Variants in CENPP observed in about 807,000 individuals in gnomAD.
CENPP encodes centromere protein P.
Under a neutral mutation model 35.6 loss-of-function variants are expected in CENPP, and 24 were observed. The ratio of observed to expected loss-of-function variants is 0.67; its 90% CI spans 0.49 to 0.95. The LOEUF (loss-of-function observed/expected upper bound fraction) is 0.95, where lower values mean the gene tolerates loss of function less well. Ranked by LOEUF, CENPP falls within the 40% of genes least tolerant of loss-of-function variation. The pLI is 0.00. For missense variants in CENPP, 332 were observed against 345.3 expected (o/e 0.96, Z 0.31); for synonymous variants, 120 against 125.5 (o/e 0.96, Z 0.29).
intron 5 of CENPP, among the ~76,000 whole-genome samples, chr9:92,445,007 C>T (rs1844515708): frequency 6.6e-6 from 1 of 152,096 alleles, no homozygotes; most frequent in African/African-American, 2.4e-5. Flanking sequence ...CCCCTAGGGC[C>T]AACGTCTCCT....
Position 92,600,624 on chromosome 9 carries a change from A to G in CENPP, c.565-10690A>G, listed in dbSNP as rs1257049892. 4 of 1,528,224 alleles carry G rather than the reference A, an allele frequency of 2.6e-6. No individual in the cohort carries two copies. In the African/African-American group the frequency reaches 5.5e-5, roughly 21 times the overall value. 94.7% of individuals were successfully genotyped at this position (1,528,224 alleles called of 1,614,324 possible). A position where few individuals can be genotyped will look rare whatever the true frequency, so the allele number is the denominator to read the frequency against. On this transcript the variant is annotated intron_variant, in intron 5 of 7. Transcript: ENST00000375587. The stretch of plus-strand genomic sequence containing the variant: ...CACTACCAGAAAGACAGCGCAAGTC[A>G]TGCCCTGGTCGGCCATCCCTTCTGG...
intron 5 of CENPP, among the ~76,000 whole-genome samples, chr9:92,406,099 A>G (rs1039678674): frequency 6.6e-6 from 1 of 152,162 alleles, no homozygotes; most frequent in African/African-American, 2.4e-5. Context: ...ACTGACTTCT[A>G]TAGAGAGGAT....
intron 5 of CENPP, among the ~76,000 whole-genome samples, chr9:92,518,439 A>C (rs1010358025): frequency 6.6e-6 from 1 of 152,208 alleles, no homozygotes; most frequent in Non-Finnish European, 1.5e-5. Context: ...CTGAGCTAGC[A>C]CTAATGATGA....
chr9:92,450,460 G>A (rs893017455), intron 5 of CENPP, among the ~76,000 whole-genome samples: 2 of 152,086 alleles, frequency 1.3e-5, no homozygotes, highest in Non-Finnish European at 2.9e-5. Flanking sequence ...ATTCCATGGT[G>A]TATATGTGCC....
Position 92,489,427 on chromosome 9 carries a change from C to G in CENPP, c.564+109568C>G, listed in dbSNP as rs567126108. Among the ~76,000 whole-genome samples the G allele has an allele frequency of 1.4e-4, 21 of 152,320 alleles. No individual in the cohort carries two copies. The East Asian group carries it at 3.3e-3, about 24-fold the overall frequency. On this transcript the variant is annotated intron_variant, in intron 5 of 7. Transcript: ENST00000375587. Reference sequence around the variant, plus strand: ...TGCCAGTGCAGACTGTCTTGCTATACTGTTGGTGACTCATTCAGCGGTTAT... The same window carrying G: ...TGCCAGTGCAGACTGTCTTGCTATAGTGTTGGTGACTCATTCAGCGGTTAT...
chr9:92,600,295 A>C, intron 5 of CENPP: 1 of 1,469,516 alleles, frequency 6.8e-7, no homozygotes, highest in Non-Finnish European at 9.0e-7. Flanking sequence ...CTGTCCATAC[A>C]GGCCCATTAT....
intron 3 of CENPP, 88 bp from the exon 4 acceptor site, chr9:92,345,610 GT>G (rs1841271081): frequency 1.4e-6 from 1 of 691,832 alleles, no homozygotes; most frequent in Non-Finnish European, 2.5e-6. Context: ...CTTTTATTTG[GT>G]GGCATTTCAT....
At chr9:92,576,299 T>C (rs896357513) in intron 5 of CENPP, among the ~76,000 whole-genome samples, 9 of 152,172 alleles carry the variant, frequency 5.9e-5, no homozygotes, top group Non-Finnish European at 8.8e-5. Context: ...CTTAGAGTAG[T>C]CTAAATAGGA....
intron 5 of CENPP, chr9:92,457,240 A>G: frequency 6.3e-7 from 1 of 1,593,062 alleles, no homozygotes; most frequent in South Asian, 1.1e-5. Context: ...TTCCAAATGT[A>G]GGGATTTTTG....
At chr9:92,600,685 G>A (rs943523924) in intron 5 of CENPP, among the ~76,000 whole-genome samples, 6 of 152,238 alleles carry the variant, frequency 3.9e-5, no homozygotes, top group African/African-American at 1.4e-4. Flanking sequence ...GCAAAGTGCT[G>A]CAATGACATT....
intron 5 of CENPP, among the ~76,000 whole-genome samples, chr9:92,541,215 C>T (rs554107333): frequency 2.0e-5 from 3 of 152,180 alleles, no homozygotes; most frequent in East Asian, 1.9e-4. Context: ...GCCAAGATTG[C>T]GCCACTGCAC....
chr9:92,485,857 G>T (rs1375639180), intron 5 of CENPP, among the ~76,000 whole-genome samples: 2 of 152,196 alleles, frequency 1.3e-5, no homozygotes, highest in Non-Finnish European at 2.9e-5. Flanking sequence ...GATAGGTGAG[G>T]CAGGAGCTAT....
chr9:92,547,533 C>T (rs932906085), intron 5 of CENPP, among the ~76,000 whole-genome samples: 1 of 152,224 alleles, frequency 6.6e-6, no homozygotes, highest in Non-Finnish European at 1.5e-5. Context: ...ACCTCAAAAA[C>T]ATTACGTGCA....
At chr9:92,539,198 G>C (rs1849257927) in intron 5 of CENPP, 1 of 152,158 alleles carries the variant, frequency 6.6e-6, no homozygotes, top group South Asian at 2.1e-4. Context: ...AGTAGGGCGA[G>C]GTAAAATGGC....
intron 2 of CENPP, among the ~76,000 whole-genome samples, chr9:92,337,329 A>G (rs1399650378): frequency 1.3e-5 from 2 of 152,184 alleles, no homozygotes; most frequent in African/African-American, 4.8e-5. Context: ...GAAAAAAAAA[A>G]AAGAAAACTA....
chr9:92,477,976 G>A (rs1025121675), intron 5 of CENPP, among the ~76,000 whole-genome samples: 1 of 152,032 alleles, frequency 6.6e-6, no homozygotes, highest in Non-Finnish European at 1.5e-5. Flanking sequence ...GTCTGTCTAC[G>A]CATAACCCTC....
intron 5 of CENPP, chr9:92,416,624 A>G: frequency 2.6e-6 from 4 of 1,521,612 alleles, no homozygotes; most frequent in Non-Finnish European, 3.6e-6. Flanking sequence ...CATACTTTCT[A>G]TTTCATTATT....
chr9:92,587,153 TA>T (rs1227515056), intron 5 of CENPP, among the ~76,000 whole-genome samples: 2 of 151,800 alleles, frequency 1.3e-5, no homozygotes, highest in African/African-American at 4.8e-5. Context: ...CAAAATGAGA[TA>T]TCAATAAGGA....
chr9:92,522,749 T>C, intron 5 of CENPP: 1 of 1,614,198 alleles, frequency 6.2e-7, no homozygotes, highest in Non-Finnish European at 8.5e-7. Flanking sequence ...GTTGAACTTT[T>C]CCTCAACCTT....
Sources: allele counts gnomAD v4.1 joint callset (sites outside exome capture counted in the v4.1 genomes callset), GRCh38; gene constraint gnomAD v4.1.1; transcripts MANE v1.5; gene names NCBI Gene and HGNC (gene_info 2026-07-23, HGNC 2026-07-21).